CHRM5: variants seen among roughly 807,000 people sequenced by gnomAD.
The protein encoded by CHRM5 is muscarinic acetylcholine receptor M5.
In CHRM5, 18 loss-of-function variants were observed where a neutral mutation model predicts 39.0. The observed-to-expected ratio is 0.46, with a 90% CI of 0.32 to 0.68. The LOEUF (loss-of-function observed/expected upper bound fraction) is 0.68, where lower values mean the gene tolerates loss of function less well. Ranked by LOEUF, CHRM5 falls within the 30% of genes least tolerant of loss-of-function variation. CHRM5 has a pLI of 0.04. For missense variants in CHRM5, 515 were observed against 651.1 expected (o/e 0.79, Z 2.28); for synonymous variants, 241 against 246.3 (o/e 0.98, Z 0.20).
chr15:33,975,364 G>A (rs565230060), intron 1 of CHRM5, among the ~76,000 whole-genome samples: 27 of 152,292 alleles, frequency 1.8e-4, no homozygotes, highest in African/African-American at 6.0e-4. Context: ...CACAGGTTGC[G>A]AAACAGTGCT....
chr15:33,996,476 C>T (rs1165959296), intron 1 of CHRM5, among the ~76,000 whole-genome samples: 1 of 152,216 alleles, frequency 6.6e-6, no homozygotes, highest in Non-Finnish European at 1.5e-5. Context: ...TGGGACGAAG[C>T]TTCCAGAGGA....
intron 1 of CHRM5, among the ~76,000 whole-genome samples, chr15:33,990,222 A>ACAAAC (rs1896661465): frequency 6.6e-6 from 1 of 151,694 alleles, no homozygotes; most frequent in Non-Finnish European, 1.5e-5. Context: ...ACAAAACAAA[A>ACAAAC]CAAAAAAAAC....
chr15:34,056,363 T>A (rs931113681), intron 2 of CHRM5, among the ~76,000 whole-genome samples: 1 of 152,232 alleles, frequency 6.6e-6, no homozygotes, highest in African/African-American at 2.4e-5. Context: ...CATTGTTTTT[T>A]ACTAAAATGC....
chr15:34,058,965 T>A (rs1047654285), intron 2 of CHRM5, among the ~76,000 whole-genome samples: 1 of 152,172 alleles, frequency 6.6e-6, no homozygotes, highest in African/African-American at 2.4e-5. Context: ...GGCAAGATCT[T>A]GGCTCACTGC....
At chr15:34,032,569 A>C (rs2140768182) in intron 1 of CHRM5, among the ~76,000 whole-genome samples, 1 of 152,336 alleles carries the variant, frequency 6.6e-6, no homozygotes, top group East Asian at 1.9e-4. Flanking sequence ...CATCTTACTA[A>C]GAAACAAAGG....
At chr15:34,048,733 TC>T (rs1380924418) in intron 2 of CHRM5, among the ~76,000 whole-genome samples, 7 of 152,176 alleles carry the variant, frequency 4.6e-5, no homozygotes, top group Admixed American at 3.3e-4. Context: ...GGGTCCCTGA[TC>T]CCATTCCTCC....
At chr15:34,047,452 G>A (rs1015854061) in intron 2 of CHRM5, among the ~76,000 whole-genome samples, 1 of 152,164 alleles carries the variant, frequency 6.6e-6, no homozygotes, top group African/African-American at 2.4e-5. Context: ...ATACCCCTAG[G>A]AAGAGGGCTG....
At chr15:33,996,970 G>C (rs545858939) in intron 1 of CHRM5, among the ~76,000 whole-genome samples, 5 of 152,206 alleles carry the variant, frequency 3.3e-5, no homozygotes, top group Admixed American at 2.6e-4. Flanking sequence ...AAAAAGATTA[G>C]ATGAATGGCT....
At chr15:34,040,898 TAAA>T (rs60454298) in intron 1 of CHRM5, among the ~76,000 whole-genome samples, 1 of 145,066 alleles carries the variant, frequency 6.9e-6, no homozygotes, top group Non-Finnish European at 1.5e-5. Flanking sequence ...GGAGACTGTC[TAAA>T]AAAAAAAAAA....
chr15:33,984,590 CAG>C (rs1896340410), intron 1 of CHRM5, among the ~76,000 whole-genome samples: 2 of 152,060 alleles, frequency 1.3e-5, no homozygotes, highest in Admixed American at 1.3e-4. Flanking sequence ...TCAGTAGAGA[CAG>C]GGTTTCTCCA....
At chr15:34,002,013 A>G (rs1281167908) in intron 1 of CHRM5, among the ~76,000 whole-genome samples, 1 of 152,216 alleles carries the variant, frequency 6.6e-6, no homozygotes, top group Non-Finnish European at 1.5e-5. Flanking sequence ...GTAATTGCAG[A>G]TTCACACACA....
chr15:33,997,060 T>C (rs1282848641), intron 1 of CHRM5, among the ~76,000 whole-genome samples: 1 of 152,122 alleles, frequency 6.6e-6, no homozygotes, highest in African/African-American at 2.4e-5. Context: ...TAGCAAACAA[T>C]AAAATGTAAC....
chr15:34,065,081 A>C lies in CHRM5; in HGVS notation c.*765A>C, dbSNP rs1393494003. ...CTTTTCTACTAATAAAGATGGATCAAGTCTCCACAGTCAGTTATTTTAGTT... is the reference window on the plus strand; with the variant it reads ...CTTTTCTACTAATAAAGATGGATCACGTCTCCACAGTCAGTTATTTTAGTT... On this transcript the variant is annotated 3_prime_UTR_variant, in exon 3 of 3. Coordinates refer to ENST00000383263, the MANE Select transcript of CHRM5 (RefSeq NM_012125.4). 6.0e-6 allele frequency: 1 copy of C among 166,406 alleles called. No homozygotes were observed. The highest frequency in any genetic ancestry group is 1.5e-5 in the Non-Finnish European group (1 of 68,126). 10.3% of individuals were successfully genotyped at this position (166,406 alleles called of 1,614,324 possible). A position where few individuals can be genotyped will look rare whatever the true frequency, so the allele number is the denominator to read the frequency against.
chr15:33,972,178 T>C (rs997910494), intron 1 of CHRM5: 1 of 152,076 alleles, frequency 6.6e-6, no homozygotes, highest in Non-Finnish European at 1.5e-5. Context: ...ATCATGTTGG[T>C]TAAATTCACA....
chr15:34,009,679 A>G (rs1479724143), intron 1 of CHRM5, among the ~76,000 whole-genome samples: 1 of 152,200 alleles, frequency 6.6e-6, no homozygotes, highest in African/African-American at 2.4e-5. Flanking sequence ...AATAATAAAA[A>G]GGTCAATCAA....
At chr15:34,053,960 A>G (rs1209357016) in intron 2 of CHRM5, among the ~76,000 whole-genome samples, 4 of 152,214 alleles carry the variant, frequency 2.6e-5, no homozygotes, top group Admixed American at 6.5e-5. Context: ...AGAATCTACA[A>G]GGAACATAAA....
intron 1 of CHRM5, among the ~76,000 whole-genome samples, chr15:34,017,871 T>C (rs1160909159): frequency 1.3e-5 from 2 of 152,146 alleles, no homozygotes; most frequent in Non-Finnish European, 1.5e-5. Flanking sequence ...ATGGACCATA[T>C]TTACAACAGT....
At chr15:34,006,945 C>T in intron 1 of CHRM5, 3 of 475,014 alleles carry the variant, frequency 6.3e-6, no homozygotes, top group Non-Finnish European at 8.2e-6. Context: ...AAATAAAATA[C>T]TGATCAGAAA....
At chr15:34,034,233 A>T (rs1358886144) in intron 1 of CHRM5, among the ~76,000 whole-genome samples, 1 of 152,178 alleles carries the variant, frequency 6.6e-6, no homozygotes, top group Non-Finnish European at 1.5e-5. Context: ...GCTTGAGCCC[A>T]GGAGTTTGAG....
Sources: allele counts gnomAD v4.1 joint callset (sites outside exome capture counted in the v4.1 genomes callset), GRCh38; gene constraint gnomAD v4.1.1; transcripts MANE v1.5; gene names NCBI Gene and HGNC (gene_info 2026-07-23, HGNC 2026-07-21).